Variants in EMILIN3 observed in about 807,000 individuals in gnomAD.
EMILIN3 encodes elastin microfibril interfacer 3.
A neutral mutation model predicts 42.8 loss-of-function variants in EMILIN3; 38 were observed. The ratio of observed to expected loss-of-function variants is 0.89; its 90% CI spans 0.69 to 1.16. The LOEUF (loss-of-function observed/expected upper bound fraction) is 1.16. Ranked by LOEUF, EMILIN3 falls within the 50% of genes most tolerant of loss-of-function variation. The pLI is 0.00. For missense variants in EMILIN3, 924 were observed against 999.5 expected, an observed-to-expected ratio of 0.92 and a Z score of 1.02; for synonymous variants, 430 against 440.5, an observed-to-expected ratio of 0.98 and a Z score of 0.30.
chr20:41,362,507 G>A lies in EMILIN3; in HGVS notation c.1062C>T (p.Ser354=), dbSNP rs933746093. The A allele has an allele frequency of 6.3e-7, 1 of 1,599,470 alleles. No homozygotes were observed. The highest frequency in any genetic ancestry group is 8.5e-7 in the Non-Finnish European group (1 of 1,179,444). ...GCAGGGCCAGCTCCCGGCCATCAAGGCTCTGGTGCAGCCTCCGGCTGGCGG... is the reference window on the plus strand; with the variant it reads ...GCAGGGCCAGCTCCCGGCCATCAAGACTCTGGTGCAGCCTCCGGCTGGCGG... ...GQAASRRLHQ[S]LDGRELALRQ... is the part of the protein sequence containing the mutation. The change falls in exon 4 of 4, where the codon AGC becomes AGT. Residue 354 remains serine (S), a synonymous_variant. Coordinates refer to ENST00000332312, the MANE Select transcript of EMILIN3 (RefSeq NM_052846.2).
chr20:41,363,905 C>T, intron 2 of EMILIN3, 44 bp from the exon 3 acceptor site: 1 of 1,583,728 alleles, frequency 6.3e-7, no homozygotes, highest in Non-Finnish European at 8.6e-7. Flanking sequence ...CACCTGAGGG[C>T]TGTGCTTCTC....
At position 41,365,092 on chromosome 20, in the gene EMILIN3, T is replaced by TA; in HGVS notation, c.232dup (p.Tyr78LeufsTer5). ...ACACTGCCGGTATTCAGCCTTTACGTAGCTCTCCGCTCCCTCCTGTAGGAT... is the reference window on the plus strand; with the variant it reads ...ACACTGCCGGTATTCAGCCTTTACGTAAGCTCTCCGCTCCCTCCTGTAGGAT... On this transcript the variant is annotated frameshift_variant, in exon 2 of 4. Coordinates refer to ENST00000332312, the MANE Select transcript of EMILIN3 (RefSeq NM_052846.2). LOFTEE classifies it high-confidence loss of function. The TA allele has an allele frequency of 9.9e-6, 16 of 1,614,032 alleles. No homozygotes were observed. Among genetic ancestry groups the TA allele is most frequent in the Non-Finnish European group, 1.3e-5 (15 of 1,179,936 alleles).
Position 41,362,623 on chromosome 20 carries a change from G to T in EMILIN3, c.946C>A (p.Leu316Met). The T allele has an allele frequency of 6.2e-7, 1 of 1,605,236 alleles. No individual in the cohort carries two copies. Among genetic ancestry groups the T allele is most frequent in the Non-Finnish European group, 8.5e-7 (1 of 1,179,698 alleles). Residue 316 changes from leucine to methionine, a missense_variant, in exon 4 of 4, where the codon CTG (leucine) becomes ATG (methionine). Leu to Met is a conservative substitution (Grantham distance 15). Coordinates refer to ENST00000332312, the MANE Select transcript of EMILIN3 (RefSeq NM_052846.2). ...RRLHRLWGSL[L>M]DGFEQKLQGV... ...TGCAGCTTCTGCTCAAAGCCATCCAGCAGGCTCCCCCAGAGTCGGTGCAGC... is the reference window on the plus strand; with the variant it reads ...TGCAGCTTCTGCTCAAAGCCATCCATCAGGCTCCCCCAGAGTCGGTGCAGC...
At chr20:41,364,571 G>A (rs539984308) in intron 2 of EMILIN3, among the ~76,000 whole-genome samples, 1 of 152,246 alleles carries the variant, frequency 6.6e-6, no homozygotes, top group South Asian at 2.1e-4. Flanking sequence ...TCCCATGTGC[G>A]TGCAGCCCTG....
At chr20:41,363,317 A>G (rs918816292) in intron 3 of EMILIN3, among the ~76,000 whole-genome samples, 3 of 151,516 alleles carry the variant, frequency 2.0e-5, no homozygotes, top group Non-Finnish European at 2.9e-5. Context: ...TTTTTTTTCT[A>G]TCTTTAGTAG....
In EMILIN3 at chr20:41,366,670, G is replaced by C. The variant is rs2046396264; in HGVS notation, c.-36C>G. On this transcript the variant is annotated 5_prime_UTR_variant, in exon 1 of 4. Transcript: ENST00000332312. This position sits in a 1 kb window ranked among gnomAD's most constrained non-coding sequence, Gnocchi z 4.2. Reference sequence around the variant, plus strand: ...GCGCCTCTGCCCGGCCCCGCGCGGTGCCCCCCGCCGGGTGTCCGCCTGCAG... The same window carrying C: ...GCGCCTCTGCCCGGCCCCGCGCGGTCCCCCCCGCCGGGTGTCCGCCTGCAG... 14 of 990,872 alleles carry C rather than the reference G, an allele frequency of 1.4e-5. No individual in the cohort carries two copies. The highest frequency in any genetic ancestry group is 1.8e-5 in the African/African-American group (1 of 56,882). The allele number at this position is 990,872 out of a possible 1,614,324, so 61.4% of individuals were successfully genotyped here.
chr20:41,366,451 C>G lies in EMILIN3; in HGVS notation c.167+17G>C, dbSNP rs1394033771. ...CCCATCCCTCCCTCTTCCCGCCCGC[C>G]GCCCGCCCGCGCTTACTTGTGCGGC... On this transcript the variant is annotated intron_variant, in intron 1 of 3. Coordinates refer to ENST00000332312, the MANE Select transcript of EMILIN3 (RefSeq NM_052846.2). This position sits in a 1 kb window ranked among gnomAD's most constrained non-coding sequence, Gnocchi z 4.2. The G allele has an allele frequency of 8.9e-7, 1 of 1,119,888 alleles. No homozygotes were observed. The highest frequency in any genetic ancestry group is 1.7e-5 in the African/African-American group (1 of 60,022). 69.4% of individuals were successfully genotyped at this position (1,119,888 alleles called of 1,614,324 possible). A position where few individuals can be genotyped will look rare whatever the true frequency, so the allele number is the denominator to read the frequency against.
chr20:41,363,869 A>G lies in EMILIN3; in HGVS notation c.291-8T>C. On this transcript the variant is annotated splice_region_variant and splice_polypyrimidine_tract_variant and intron_variant, in intron 2 of 3. Transcript: ENST00000332312. ...CTGAGTACTGTGCGGTACCTGGGCC[A>G]GGGAGGGCAAGAGAGTGGGATCCTG... is the stretch of plus-strand genomic sequence containing the variant. 6.2e-7 allele frequency: 1 copy of G among 1,611,490 alleles called. No homozygotes were observed. Among genetic ancestry groups the G allele is most frequent in the Non-Finnish European group, 8.5e-7 (1 of 1,177,994 alleles).
Position 41,361,039 on chromosome 20 carries a change from C to G in EMILIN3, c.*229G>C. 2.0e-6 allele frequency: 1 copy of G among 495,808 alleles called. No homozygotes were observed. The highest frequency in any genetic ancestry group is 3.5e-6 in the Non-Finnish European group (1 of 281,884). 30.7% of individuals were successfully genotyped at this position (495,808 alleles called of 1,614,324 possible). A position where few individuals can be genotyped will look rare whatever the true frequency, so the allele number is the denominator to read the frequency against. On this transcript the variant is annotated 3_prime_UTR_variant, in exon 4 of 4. Transcript: ENST00000332312. ...ACTCTCTCAAGTCTACCCTGGCCTT[C>G]AAGCATGACATCCTTGCCTTGACCG... is the stretch of plus-strand genomic sequence containing the variant.
At position 41,362,414 on chromosome 20, in the gene EMILIN3, ACAGCAGCTGCCC is replaced by A. The variant is rs1324677585; in HGVS notation, c.1143_1154del (p.Arg381_Cys385delinsSer). The A allele has an allele frequency of 6.2e-7, 1 of 1,601,812 alleles. No homozygotes were observed. Among genetic ancestry groups the A allele is most frequent in the African/African-American group, 1.3e-5 (1 of 75,044 alleles). ...GGGCATTGATCAAGGCTAGTTGCCC[ACAGCAGCTGCCC>A]CTGCCAGACACGCTCAGGCCCTGCA... On this transcript the variant is annotated inframe_deletion, in exon 4 of 4. Transcript: ENST00000332312.
Position 41,366,560 on chromosome 20 carries a change from G to A in EMILIN3, c.75C>T (p.Thr25=). 8.8e-7 allele frequency: 1 copy of A among 1,139,580 alleles called. No homozygotes were observed. Among genetic ancestry groups the A allele is most frequent in the East Asian group, 4.5e-5 (1 of 22,192 alleles). 70.6% of individuals were successfully genotyped at this position (1,139,580 alleles called of 1,614,324 possible). Reference sequence around the variant, plus strand: ...GCGGCGCAGGCCGCGCCAGGAGCGGGGTGCCCCTGGCCTGCGCCCCCGAGA... The same window carrying A: ...GCGGCGCAGGCCGCGCCAGGAGCGGAGTGCCCCTGGCCTGCGCCCCCGAGA... ...ALLSGAQARG[T]PLLARPAPPG... Residue 25 remains threonine, a synonymous_variant, in exon 1 of 4, where the codon ACC becomes ACT. Transcript: ENST00000332312. The surrounding 1 kb of genome is among the most constrained non-coding windows in gnomAD (Gnocchi z 4.2).
At position 41,366,536 on chromosome 20, in the gene EMILIN3, C is replaced by A. The variant is rs543515049; in HGVS notation, c.99G>T (p.Pro33=). 4 of 1,150,658 alleles carry A rather than the reference C, an allele frequency of 3.5e-6. No homozygotes were observed. The highest frequency in any genetic ancestry group is 4.3e-5 in the East Asian group (1 of 23,268). 71.3% of individuals were successfully genotyped at this position (1,150,658 alleles called of 1,614,324 possible). Residue 33 remains proline (P), a synonymous_variant, in exon 1 of 4, where the codon CCG becomes CCT. Transcript: ENST00000332312. The surrounding 1 kb of genome is among the most constrained non-coding windows in gnomAD (Gnocchi z 4.2). ...AGAGACTGTAGCGGGAGGCACCGGG[C>A]GGCGCAGGCCGCGCCAGGAGCGGGG... ...RGTPLLARPA[P]PGASRYSLYT... is the part of the protein sequence containing the mutation.
rs151233602 is a variant in EMILIN3, at chr20:41,361,665, T to C, written c.1904A>G (p.Glu635Gly). ...KVEAEVQAIQ[E>G]QVSSQGSRLQ... Reference sequence around the variant, plus strand: ...CCTGGAGCCTTGGCTGCTGACCTGCTCCTGGATGGCCTGGACTTCGGCTTC... The same window carrying C: ...CCTGGAGCCTTGGCTGCTGACCTGCCCCTGGATGGCCTGGACTTCGGCTTC... Residue 635 changes from glutamate to glycine, a missense_variant, in exon 4 of 4, where the codon GAG (glutamate) becomes GGG (glycine). Transcript: ENST00000332312. The C allele has an allele frequency of 2.5e-6, 4 of 1,606,014 alleles. No homozygotes were observed. Among genetic ancestry groups the C allele is most frequent in the Non-Finnish European group, 3.4e-6 (4 of 1,175,574 alleles).
chr20:41,365,271 T>C (rs1302073709), intron 1 of EMILIN3, 114 bp from the exon 2 acceptor site: 1 of 1,417,440 alleles, frequency 7.1e-7, no homozygotes, highest in Non-Finnish European at 9.4e-7. Context: ...CCATGTCTCT[T>C]CTGTCTGTTC....
intron 2 of EMILIN3, 74 bp downstream of exon 2, chr20:41,364,960 AG>A: frequency 6.3e-7 from 1 of 1,594,434 alleles, no homozygotes; most frequent in South Asian, 1.1e-5. Context: ...TGGAGTTGGC[AG>A]CTGCTCTCAG....
Position 41,361,146 on chromosome 20 carries a change from G to T in EMILIN3, c.*122C>A. Reference sequence around the variant, plus strand: ...AGCCACGTGGAGGATTCCCTCAGTGGCCTCCTTAGTGCCATTTGGGCTAGC... The same window carrying T: ...AGCCACGTGGAGGATTCCCTCAGTGTCCTCCTTAGTGCCATTTGGGCTAGC... On this transcript the variant is annotated 3_prime_UTR_variant, in exon 4 of 4. Coordinates refer to ENST00000332312, the MANE Select transcript of EMILIN3 (RefSeq NM_052846.2). 1 of 949,570 alleles carries T rather than the reference G, an allele frequency of 1.1e-6. No individual in the cohort carries two copies. The allele number at this position is 949,570 out of a possible 1,614,324, so 58.8% of individuals were successfully genotyped here. A position where few individuals can be genotyped will look rare whatever the true frequency, so the allele number is the denominator to read the frequency against.
In EMILIN3 at chr20:41,362,340, C is replaced by T. The variant is rs759990474; in HGVS notation, c.1229G>A (p.Arg410Lys). 6.2e-7 allele frequency: 1 copy of T among 1,610,390 alleles called. No homozygotes were observed. Among genetic ancestry groups the T allele is most frequent in the South Asian group, 1.1e-5 (1 of 91,076 alleles). The part of the protein sequence containing the change: ...RALQAVTETQ[R>K]GPGAPAGDEL... ...ATCCCCGGCCGGGGCACCGGGGCCC[C>T]TTTGGGTCTCGGTGACTGCCTGCAG... Residue 410 changes from arginine (R) to lysine (K), a missense_variant, in exon 4 of 4, where the codon AGG becomes AAG. Transcript: ENST00000332312.
rs931174538 is a variant in EMILIN3 at position 41,362,319 on chromosome 20, C to T, written c.1250G>A (p.Gly417Glu). ...AGCAGAGAGCCTCGTAAGCTCATCC[C>T]CGGCCGGGGCACCGGGGCCCCTTTG... ...ETQRGPGAPA[G>E]DELTRLSAAM... The change falls in exon 4 of 4, where the codon GGG (glycine) becomes GAG (glutamate). Residue 417 changes from glycine (G) to glutamate (E), a missense_variant. Coordinates refer to ENST00000332312, the MANE Select transcript of EMILIN3 (RefSeq NM_052846.2). 2 of 1,612,638 alleles carry T rather than the reference C, an allele frequency of 1.2e-6. No homozygotes were observed. Among genetic ancestry groups the T allele is most frequent in the East Asian group, 4.5e-5 (2 of 44,856 alleles).
rs2046391183 is a variant in EMILIN3, at chr20:41,365,925, TGC to T, written c.167+541_167+542del. ...ATAAGCCGACCGCTGTGGACGGCTGTGCCACAGCACAGGCCCGGAGCCAGGAG... is the reference window on the plus strand; with the variant it reads ...ATAAGCCGACCGCTGTGGACGGCTGTCACAGCACAGGCCCGGAGCCAGGAG... On this transcript the variant is annotated intron_variant, in intron 1 of 3. Coordinates refer to ENST00000332312, the MANE Select transcript of EMILIN3 (RefSeq NM_052846.2). 2.0e-5 allele frequency among the ~76,000 whole-genome samples: 3 copies of T among 152,248 alleles called. No homozygotes were observed. The South Asian group carries it at 6.2e-4, about 32-fold the overall frequency.
Sources: allele counts gnomAD v4.1 joint callset (sites outside exome capture counted in the v4.1 genomes callset), GRCh38; gene constraint gnomAD v4.1.1; non-coding constraint Gnocchi (gnomAD v3.1); transcripts MANE v1.5; gene names NCBI Gene and HGNC (gene_info 2026-07-23, HGNC 2026-07-21).